RCN1: variants seen among roughly 807,000 people sequenced by gnomAD.
RCN1 encodes the protein reticulocalbin 1, also known as reticulocalbin-1.
RCN1 carries 14 observed loss-of-function variants against 34.7 expected under a neutral mutation model. That is an observed-to-expected ratio of 0.40 (90% CI 0.27 to 0.63). RCN1 has a LOEUF of 0.63. Ranked by LOEUF, RCN1 falls within the 30% of genes least tolerant of loss-of-function variation. The pLI is 0.37. For missense variants in RCN1, 326 were observed against 425.1 expected, an observed-to-expected ratio of 0.77 and a Z score of 2.05; for synonymous variants, 125 against 165.5, an observed-to-expected ratio of 0.76 and a Z score of 1.88.
In RCN1 at chr11:32,104,349, T is replaced by C; in HGVS notation, c.889-16T>C. The C allele has an allele frequency of 6.7e-7, 1 of 1,498,458 alleles. No individual in the cohort carries two copies. Among genetic ancestry groups the C allele is most frequent in the Non-Finnish European group, 9.3e-7 (1 of 1,075,016 alleles). The allele number at this position is 1,498,458 out of a possible 1,614,324, so 92.8% of individuals were successfully genotyped here. On this transcript the variant is annotated splice_polypyrimidine_tract_variant and intron_variant, in intron 5 of 5. Coordinates refer to ENST00000054950, the MANE Select transcript of RCN1 (RefSeq NM_002901.4). ...ACCAGAGCTTCCATGACAGTGCTCTTTGATCTCTTCTATAGGATGAGAAGC... is the reference window on the plus strand; with the variant it reads ...ACCAGAGCTTCCATGACAGTGCTCTCTGATCTCTTCTATAGGATGAGAAGC...
chr11:32,104,616 G>C lies in RCN1; in HGVS notation c.*144G>C. Reference sequence around the variant, plus strand: ...GATTGGGGTATAAAAATTGTTTTTCGCTCAGTATTTACTGGAAAATGGACA... The same window carrying C: ...GATTGGGGTATAAAAATTGTTTTTCCCTCAGTATTTACTGGAAAATGGACA... On this transcript the variant is annotated 3_prime_UTR_variant, in exon 6 of 6. Coordinates refer to ENST00000054950, the MANE Select transcript of RCN1 (RefSeq NM_002901.4). 2 of 571,112 alleles carry C rather than the reference G, an allele frequency of 3.5e-6. No individual in the cohort carries two copies. The highest frequency in any genetic ancestry group is 6.2e-6 in the Non-Finnish European group (2 of 320,968). 35.4% of individuals were successfully genotyped at this position (571,112 alleles called of 1,614,324 possible).
At chr11:32,102,841 G>A (rs1852062324) in intron 4 of RCN1, 1 of 342,782 alleles carries the variant, frequency 2.9e-6, no homozygotes, top group Non-Finnish European at 5.6e-6. Flanking sequence ...ACTGTGTGTA[G>A]AACACTTTAT....
intron 1 of RCN1, among the ~76,000 whole-genome samples, chr11:32,095,585 T>A (rs929753442): frequency 1.3e-5 from 2 of 152,168 alleles, no homozygotes; most frequent in African/African-American, 4.8e-5. Flanking sequence ...TTTTTTTGTA[T>A]TTTTAGTAGA....
chr11:32,097,077 A>G, intron 1 of RCN1, 67 bp from the exon 2 acceptor site: 1 of 1,313,980 alleles, frequency 7.6e-7, no homozygotes, highest in Non-Finnish European at 1.0e-6. Context: ...AGCATCACAC[A>G]AGCCTTGATA....
intron 1 of RCN1, among the ~76,000 whole-genome samples, chr11:32,092,238 C>T (rs1702193954): frequency 6.6e-6 from 1 of 152,102 alleles, no homozygotes; most frequent in African/African-American, 2.4e-5. Context: ...ACCCGGGAGG[C>T]GGAGGTAGCA....
At chr11:32,091,634 G>C (rs1851923115) in intron 1 of RCN1, 184 bp downstream of exon 1, 1 of 710,726 alleles carries the variant, frequency 1.4e-6, no homozygotes, top group Non-Finnish European at 2.1e-6. Context: ...CGGGACCCCA[G>C]CTTGGAGATC....
At chr11:32,091,629 C>T (rs929254321) in intron 1 of RCN1, 179 bp downstream of exon 1, 29 of 770,358 alleles carry the variant, frequency 3.8e-5, no homozygotes, top group Non-Finnish European at 5.5e-5. Context: ...GGCCCCGGGA[C>T]CCCAGCTTGG....
intron 1 of RCN1, chr11:32,091,656 G>T (rs1590216385): frequency 3.3e-6 from 2 of 608,458 alleles, no homozygotes; most frequent in South Asian, 2.6e-5. Flanking sequence ...CCGCCGCCGC[G>T]CCCCGGCCGG....
intron 1 of RCN1, chr11:32,096,660 A>T (rs1851975689): frequency 6.5e-6 from 1 of 152,692 alleles, no homozygotes; most frequent in African/African-American, 2.4e-5. Context: ...TTTGCCTTGG[A>T]CCTAAGCCAG....
chr11:32,092,504 G>A (rs1180790294), intron 1 of RCN1, among the ~76,000 whole-genome samples: 2 of 152,096 alleles, frequency 1.3e-5, no homozygotes, highest in Non-Finnish European at 2.9e-5. Flanking sequence ...GCAAAAAGCT[G>A]GAGGGTTCTC....
At chr11:32,100,419 A>C in intron 3 of RCN1, 129 bp from the exon 4 acceptor site, 1 of 712,232 alleles carries the variant, frequency 1.4e-6, no homozygotes, top group Non-Finnish European at 2.5e-6. Flanking sequence ...GTTCCCAGGG[A>C]AGTAAGGCGA....
At chr11:32,095,725 A>T (rs1487713452) in intron 1 of RCN1, among the ~76,000 whole-genome samples, 3 of 151,592 alleles carry the variant, frequency 2.0e-5, no homozygotes, top group Non-Finnish European at 4.4e-5. Flanking sequence ...GCTAATTTTT[A>T]AATTTTTTGT....
rs1258642593 is a variant in RCN1, at chr11:32,098,533, G to A, written c.627+5G>A. On this transcript the variant is annotated splice_donor_5th_base_variant and intron_variant, in intron 3 of 5. Coordinates refer to ENST00000054950, the MANE Select transcript of RCN1 (RefSeq NM_002901.4). ...ATGAAGGAAATTGTGGTTTTGGTAA[G>A]ATAAGTGAAGAGTCTGGGCTGGGAA... 1.2e-6 allele frequency: 2 copies of A among 1,605,474 alleles called. No individual in the cohort carries two copies. The highest frequency in any genetic ancestry group is 2.2e-5 in the South Asian group (2 of 89,186).
chr11:32,095,853 A>G (rs1188792885), intron 1 of RCN1, among the ~76,000 whole-genome samples: 3 of 152,138 alleles, frequency 2.0e-5, no homozygotes, highest in Non-Finnish European at 4.4e-5. Flanking sequence ...ATCTTTTAGG[A>G]TTGAGACCTG....
At chr11:32,101,457 A>G (rs1036496009) in intron 4 of RCN1, among the ~76,000 whole-genome samples, 1 of 152,232 alleles carries the variant, frequency 6.6e-6, no homozygotes, top group Non-Finnish European at 1.5e-5. Context: ...ATTTTTGTAC[A>G]GATTTTTAAT....
intron 4 of RCN1, among the ~76,000 whole-genome samples, chr11:32,101,777 G>A (rs1429292170): frequency 6.6e-6 from 1 of 152,190 alleles, no homozygotes; most frequent in Non-Finnish European, 1.5e-5. Context: ...CTCTTGCTGG[G>A]TCCACGTGCG....
intron 4 of RCN1, chr11:32,102,219 G>A (rs538750981): frequency 3.9e-5 from 6 of 152,028 alleles, no homozygotes; most frequent in African/African-American, 1.2e-4. Context: ...GTGACCCTGG[G>A]GTAATCATGT....
At chr11:32,103,179 G>A in intron 4 of RCN1, 102 bp from the exon 5 acceptor site, 1 of 975,582 alleles carries the variant, frequency 1.0e-6, no homozygotes, top group South Asian at 1.5e-5. Context: ...TGGATTGGTT[G>A]TCGCCTTTCC....
At chr11:32,103,245 CTT>C in intron 4 of RCN1, 34 bp from the exon 5 acceptor site, 1 of 1,603,588 alleles carries the variant, frequency 6.2e-7, no homozygotes, top group Non-Finnish European at 8.5e-7. Context: ...TACCTTCCCA[CTT>C]TCCTTTGTAA....
Sources: allele counts gnomAD v4.1 joint callset (sites outside exome capture counted in the v4.1 genomes callset), GRCh38; gene constraint gnomAD v4.1.1; transcripts MANE v1.5; gene names NCBI Gene and HGNC (gene_info 2026-07-23, HGNC 2026-07-21).